Variants in RAB3GAP1 observed in about 807,000 individuals in gnomAD.
The protein encoded by RAB3GAP1 is rab3 GTPase-activating protein catalytic subunit.
Under a neutral mutation model 130.7 loss-of-function variants are expected in RAB3GAP1, and 86 were observed. The ratio of observed to expected loss-of-function variants is 0.66; its 90% CI spans 0.55 to 0.79. The LOEUF (loss-of-function observed/expected upper bound fraction) is 0.79, where lower values mean the gene tolerates loss of function less well. RAB3GAP1 is among the 30% of genes least tolerant of loss of function. RAB3GAP1 has a pLI of 0.00. For missense variants in RAB3GAP1, 1,029 were observed against 1,169.4 expected, an observed-to-expected ratio of 0.88 and a Z score of 1.75; for synonymous variants, 367 against 401.7, an observed-to-expected ratio of 0.91 and a Z score of 1.03.
At chr2:135,114,309 AT>A (rs934196628) in intron 6 of RAB3GAP1, among the ~76,000 whole-genome samples, 49 of 152,300 alleles carry the variant, frequency 3.2e-4, no homozygotes, top group African/African-American at 1.0e-3. Context: ...CTATTCTGCT[AT>A]TTTGAATTGT....
chr2:135,115,130 G>A (rs1474391828), intron 6 of RAB3GAP1, 86 bp from the exon 7 acceptor site: 5 of 1,316,336 alleles, frequency 3.8e-6, no homozygotes, highest in Non-Finnish European at 5.4e-6. Context: ...AAATTCTTGA[G>A]ATTAAAATAA....
Position 135,130,034 on chromosome 2 carries a change from A to G in RAB3GAP1, c.1013A>G (p.Lys338Arg). The change falls in exon 12 of 24, where the codon AAG becomes AGG. Residue 338 changes from lysine to arginine, a missense_variant. Physicochemically the swap from Lys to Arg is conservative, Grantham distance 26 (BLOSUM62 2). This residue lies in a region of RAB3GAP1 where 510 missense variants were observed against 532.1 expected (regional missense o/e 0.96). Coordinates refer to ENST00000264158, the MANE Select transcript of RAB3GAP1 (RefSeq NM_012233.3). Reference protein sequence around the residue: ...VTEFFKICRRKESTDEILGRS... With the variant: ...VTEFFKICRRRESTDEILGRS... The stretch of plus-strand genomic sequence containing the variant: ...GAATTTTTTAAAATTTGCCGTCGAA[A>G]GGAGTCAACTGATGAGATTCTTGGA... 1 of 1,613,368 alleles carries G rather than the reference A, an allele frequency of 6.2e-7. No individual in the cohort carries two copies. The highest frequency in any genetic ancestry group is 1.7e-5 in the Admixed American group (1 of 59,980).
intron 3 of RAB3GAP1, among the ~76,000 whole-genome samples, chr2:135,088,688 C>CAAAAAAAAA (rs1162700077): frequency 1.8e-4 from 10 of 55,312 alleles, no homozygotes; most frequent in Admixed American, 1.9e-4. Context: ...GACTCCATCT[C>CAAAAAAAAA]AAAAAAAAAA....
At chr2:135,136,957 A>G (rs2104954056) in intron 17 of RAB3GAP1, 1 of 231,158 alleles carries the variant, frequency 4.3e-6, no homozygotes, top group African/African-American at 2.3e-5. Context: ...GTATTGGGGC[A>G]TGTGTCTGTA....
chr2:135,076,845 G>T (rs1416757165), intron 3 of RAB3GAP1, among the ~76,000 whole-genome samples: 2 of 152,168 alleles, frequency 1.3e-5, no homozygotes, highest in Non-Finnish European at 2.9e-5. Flanking sequence ...GTCCTTTTGT[G>T]TCTGACATGT....
At chr2:135,139,906 T>C (rs1691788444) in intron 17 of RAB3GAP1, among the ~76,000 whole-genome samples, 1 of 152,256 alleles carries the variant, frequency 6.6e-6, no homozygotes, top group African/African-American at 2.4e-5. Flanking sequence ...TTTGTCACCA[T>C]AGGTTAGCTT....
Position 135,150,276 on chromosome 2 carries a change from T to C in RAB3GAP1, c.1924-93T>C, listed in dbSNP as rs3739028. On this transcript the variant is annotated intron_variant, in intron 17 of 23. Transcript: ENST00000264158. ...AAAAATACTCATCTTGTGACTGCTA[T>C]AGCTGAAATGACTGTTGTCTTTATT... The C allele has an allele frequency of 0.03, 44,631 of 1,469,062 alleles. 2,042 individuals carry two copies. The highest frequency in any genetic ancestry group is 0.16 in the East Asian group (6,920 of 43,928). The allele number at this position is 1,469,062 out of a possible 1,614,324, so 91.0% of individuals were successfully genotyped here.
intron 17 of RAB3GAP1, among the ~76,000 whole-genome samples, chr2:135,144,255 G>T (rs1691931596): frequency 6.6e-6 from 1 of 152,228 alleles, no homozygotes; most frequent in Non-Finnish European, 1.5e-5. Context: ...AGGTGGAGAA[G>T]AATTTTATTG....
chr2:135,086,408 T>C (rs1689983869), intron 3 of RAB3GAP1, among the ~76,000 whole-genome samples: 1 of 152,182 alleles, frequency 6.6e-6, no homozygotes, highest in Non-Finnish European at 1.5e-5. Context: ...TTAGTCATTC[T>C]GTTGGGTGTG....
At chr2:135,067,223 C>T (rs1307840724) in intron 3 of RAB3GAP1, among the ~76,000 whole-genome samples, 13 of 152,002 alleles carry the variant, frequency 8.6e-5, no homozygotes, top group Non-Finnish European at 1.9e-4. Flanking sequence ...TATGTTTTAT[C>T]AAAGCTGAAG....
intron 15 of RAB3GAP1, 29 bp downstream of exon 15, chr2:135,134,062 A>C (rs781212893): frequency 6.2e-7 from 1 of 1,611,992 alleles, no homozygotes; most frequent in Non-Finnish European, 8.5e-7. Flanking sequence ...AATTGTTTGG[A>C]TACGATTTTG....
chr2:135,157,843 A>C (rs34885876), intron 19 of RAB3GAP1, among the ~76,000 whole-genome samples: 5 of 146,528 alleles, frequency 3.4e-5, no homozygotes, highest in African/African-American at 7.5e-5. Flanking sequence ...AAAAAAAAAA[A>C]AAAAAACAAA....
intron 19 of RAB3GAP1, among the ~76,000 whole-genome samples, chr2:135,160,721 A>G (rs1192041854): frequency 6.6e-6 from 1 of 151,032 alleles, no homozygotes; most frequent in African/African-American, 2.4e-5. Context: ...GGATCAGTTG[A>G]CAAAACTGCA....
intron 3 of RAB3GAP1, among the ~76,000 whole-genome samples, chr2:135,066,070 G>A (rs759953680): frequency 9.9e-5 from 15 of 152,118 alleles, no homozygotes; most frequent in Middle Eastern, 3.4e-3. Flanking sequence ...ACTGCACCCC[G>A]CCAGTAATTT....
chr2:135,172,158 A>G (rs990565530), downstream of RAB3GAP1, among the ~76,000 whole-genome samples: 5 of 152,256 alleles, frequency 3.3e-5, no homozygotes, highest in East Asian at 9.6e-4. Flanking sequence ...GGCTGGGCGC[A>G]GTGGCTCGTG....
At chr2:135,066,692 A>C (rs888713068) in intron 3 of RAB3GAP1, among the ~76,000 whole-genome samples, 2 of 152,188 alleles carry the variant, frequency 1.3e-5, no homozygotes, top group Non-Finnish European at 2.9e-5. Context: ...GGGGCTTTAT[A>C]AAATAGATAA....
At chr2:135,063,237 A>G (rs1689229896) in intron 3 of RAB3GAP1, among the ~76,000 whole-genome samples, 1 of 146,676 alleles carries the variant, frequency 6.8e-6, no homozygotes, top group Non-Finnish European at 1.5e-5. Flanking sequence ...GTAAAATCTT[A>G]TTTAGCATCT....
chr2:135,157,626 G>A (rs1573607218), intron 19 of RAB3GAP1, among the ~76,000 whole-genome samples: 1 of 152,158 alleles, frequency 6.6e-6, no homozygotes, highest in Non-Finnish European at 1.5e-5. Context: ...GAGGTCAGGA[G>A]TTCGAGACCA....
intron 23 of RAB3GAP1, chr2:135,167,851 T>A: frequency 1.6e-6 from 1 of 635,376 alleles, no homozygotes; most frequent in Non-Finnish European, 2.4e-6. Context: ...CGCAACATGA[T>A]TTCATGTTTC....
Sources: gnomAD v4.1 joint callset for allele counts (sites outside exome capture counted in the v4.1 genomes callset) on GRCh38, gnomAD v4.1.1 for gene constraint, gnomAD v4.1.1 regional missense constraint, MANE v1.5 for transcripts, NCBI Gene and HGNC (gene_info 2026-07-23, HGNC 2026-07-21) for gene names.